The following EIF4G3 variants were observed in gnomAD, a reference collection of about 807,000 sequenced individuals.
The protein encoded by EIF4G3 is eIF-4-gamma 3.
EIF4G3 carries 34 observed loss-of-function variants against 186.4 expected under a neutral mutation model. That is an observed-to-expected ratio of 0.18 (90% CI 0.14 to 0.24). The LOEUF is 0.24. EIF4G3 is among the 10% of genes least tolerant of loss of function. The pLI, the probability that EIF4G3 is intolerant of heterozygous loss-of-function variation, is 1.00. For missense variants in EIF4G3, 1,536 were observed against 1,948.5 expected (o/e 0.79, Z 3.99); for synonymous variants, 673 against 679.5 (o/e 0.99, Z 0.15).
intron 4 of EIF4G3, among the ~76,000 whole-genome samples, chr1:21,033,456 T>TA (rs921182680): frequency 1.2e-3 from 174 of 144,766 alleles, no homozygotes; most frequent in East Asian, 5.8e-3. Flanking sequence ...ATTCTGAACT[T>TA]AAAAAAAAAA....
chr1:20,984,725 G>C (rs2079073383), intron 7 of EIF4G3, among the ~76,000 whole-genome samples: 1 of 151,854 alleles, frequency 6.6e-6, no homozygotes, highest in African/African-American at 2.4e-5. Context: ...GAGTAGCTGG[G>C]ACTACAGCCA....
At chr1:21,152,339 C>A (rs867415896) in intron 2 of EIF4G3, among the ~76,000 whole-genome samples, 489 of 103,518 alleles carry the variant, frequency 4.7e-3, no homozygotes, top group South Asian at 9.6e-3. Flanking sequence ...CCTGTCTCTA[C>A]AAAAAAAAAA....
chr1:20,945,196 G>A (rs1266466811), intron 13 of EIF4G3, among the ~76,000 whole-genome samples: 4 of 151,498 alleles, frequency 2.6e-5, no homozygotes, highest in South Asian at 2.1e-4. Context: ...AAAAAGTTTG[G>A]CCATCTTTAG....
At chr1:21,145,898 A>G (rs1238227804) in intron 2 of EIF4G3, among the ~76,000 whole-genome samples, 1 of 152,180 alleles carries the variant, frequency 6.6e-6, no homozygotes, top group African/African-American at 2.4e-5. Context: ...TGGGCAACAC[A>G]GCAAGACCTC....
At chr1:21,078,238 T>A (rs1443403247) in intron 3 of EIF4G3, among the ~76,000 whole-genome samples, 2 of 152,198 alleles carry the variant, frequency 1.3e-5, no homozygotes, top group African/African-American at 4.8e-5. Context: ...AACAGAATAA[T>A]GGATAATATA....
intron 4 of EIF4G3, among the ~76,000 whole-genome samples, chr1:21,033,477 C>A (rs542651275): frequency 1.3e-5 from 2 of 151,726 alleles, no homozygotes; most frequent in Non-Finnish European, 2.9e-5. Context: ...AAGTTAAATA[C>A]GCCAAAGCTA....
intron 2 of EIF4G3, among the ~76,000 whole-genome samples, chr1:21,155,329 G>A (rs917729972): frequency 4.0e-4 from 58 of 143,782 alleles, no homozygotes; most frequent in African/African-American, 1.5e-3. Flanking sequence ...ATGAGGCAAA[G>A]ACAAGCTAAC....
intron 14 of EIF4G3, among the ~76,000 whole-genome samples, chr1:20,921,318 T>C (rs1051091756): frequency 6.6e-6 from 1 of 152,166 alleles, no homozygotes; most frequent in Admixed American, 6.6e-5. Context: ...AAAACTAAAG[T>C]AACGAAGGTA....
chr1:20,865,382 G>C, intron 20 of EIF4G3, 120 bp from the exon 21 acceptor site: 1 of 1,059,296 alleles, frequency 9.4e-7, no homozygotes. Context: ...TTCTATAAGA[G>C]GCAAACAATA....
In EIF4G3 at chr1:21,176,652, G is replaced by C; in HGVS notation, c.-456+70C>G. 1.9e-5 allele frequency: 9 copies of C among 467,658 alleles called. No individual in the cohort carries two copies. The South Asian group carries it at 2.2e-4, about 11-fold the overall frequency. 29.0% of individuals were successfully genotyped at this position (467,658 alleles called of 1,614,324 possible). On this transcript the variant is annotated intron_variant, in intron 1 of 36. Coordinates refer to ENST00000602326, the MANE Select transcript of EIF4G3 (RefSeq NM_001391906.1). The stretch of plus-strand genomic sequence containing the variant: ...CCGCGGGCCAGCACCACCGGCTGCC[G>C]GTCTCCGTGACAACGCGACCCCAGG...
intron 4 of EIF4G3, among the ~76,000 whole-genome samples, chr1:21,046,874 G>T (rs192024592): frequency 1.3e-5 from 2 of 152,156 alleles, no homozygotes; most frequent in East Asian, 3.9e-4. Flanking sequence ...TAGCAGGCAA[G>T]GATACATGCA....
chr1:20,806,406 A>G (rs957111587), downstream of EIF4G3: 2 of 152,658 alleles, frequency 1.3e-5, no homozygotes, highest in African/African-American at 2.4e-5. Flanking sequence ...ATTAGACAAT[A>G]AATAGCCAGA....
chr1:21,074,042 T>C (rs1483308505), intron 3 of EIF4G3, among the ~76,000 whole-genome samples: 1 of 152,216 alleles, frequency 6.6e-6, no homozygotes, highest in Non-Finnish European at 1.5e-5. Flanking sequence ...TAGAGTACCA[T>C]AGATGGTATT....
chr1:21,098,540 G>GAAAA (rs59544256), intron 2 of EIF4G3, among the ~76,000 whole-genome samples: 10 of 72,662 alleles, frequency 1.4e-4, no homozygotes, highest in Admixed American at 4.1e-4. Flanking sequence ...GCCCTGTCTC[G>GAAAA]AAAAAAAAAA....
chr1:20,968,878 C>T (rs903675631), intron 12 of EIF4G3, among the ~76,000 whole-genome samples: 9 of 151,966 alleles, frequency 5.9e-5, no homozygotes, highest in African/African-American at 2.2e-4. Context: ...CTTGAACAAC[C>T]ACGAATTTTG....
At chr1:21,071,000 G>A (rs898593811) in intron 3 of EIF4G3, among the ~76,000 whole-genome samples, 2 of 152,158 alleles carry the variant, frequency 1.3e-5, no homozygotes, top group African/African-American at 4.8e-5. Flanking sequence ...AGGTTCTTCA[G>A]TGCAAATGAC....
intron 4 of EIF4G3, among the ~76,000 whole-genome samples, chr1:21,039,123 A>G (rs1048581694): frequency 1.4e-4 from 21 of 152,332 alleles, no homozygotes; most frequent in African/African-American, 4.8e-4. Context: ...AAAAGAAAAG[A>G]GCCCGGAAAT....
At chr1:20,854,879 A>G in intron 26 of EIF4G3, 99 bp downstream of exon 26, 1 of 988,590 alleles carries the variant, frequency 1.0e-6, no homozygotes, top group African/African-American at 1.6e-5. Flanking sequence ...TAGTCTACAC[A>G]TCTTTCCCAA....
At chr1:21,062,421 A>C (rs967765322) in intron 3 of EIF4G3, among the ~76,000 whole-genome samples, 1 of 152,274 alleles carries the variant, frequency 6.6e-6, no homozygotes, top group Admixed American at 6.5e-5. Flanking sequence ...GTAATATCCT[A>C]AACTAAAATT....
Sources: allele counts gnomAD v4.1 joint callset (sites outside exome capture counted in the v4.1 genomes callset), GRCh38; gene constraint gnomAD v4.1.1; transcripts MANE v1.5; gene names NCBI Gene and HGNC (gene_info 2026-07-23, HGNC 2026-07-21).